Variants in NELL1 observed in about 807,000 individuals in gnomAD.
NELL1 encodes the protein neural EGFL like 1, also known as protein kinase C-binding protein NELL1.
In NELL1, 76 loss-of-function variants were observed where a neutral mutation model predicts 107.4. The observed-to-expected ratio is 0.71, with a 90% CI of 0.59 to 0.86. The LOEUF (loss-of-function observed/expected upper bound fraction) is 0.86, where lower values mean the gene tolerates loss of function less well. NELL1 is among the 40% of genes least tolerant of loss of function. NELL1 has a pLI of 0.00. For synonymous variants in NELL1, 353 were observed against 341.2 expected (o/e 1.03, Z -0.38); for missense variants, 1,024 against 1,005.5 (o/e 1.02, Z -0.25).
At chr11:21,564,115 G>A (rs10833570) in intron 17 of NELL1, among the ~76,000 whole-genome samples, 3 of 151,740 alleles carry the variant, frequency 2.0e-5, no homozygotes, top group South Asian at 2.1e-4. Flanking sequence ...GCAAATGATC[G>A]TAAGAGATTT....
In NELL1 at chr11:20,863,851, A is replaced by C. The variant is rs1367360493; in HGVS notation, c.506+16098A>C. ...CTGAGTGAACGAGACTCCGTCTGCA[A>C]TCCCGGCACCTCAGGAGGCGGAAGC... is the stretch of plus-strand genomic sequence containing the variant. On this transcript the variant is annotated intron_variant, in intron 4 of 19. Transcript: ENST00000357134. Among the ~76,000 whole-genome samples, 3 of 152,208 alleles carry C rather than the reference A, an allele frequency of 2.0e-5. No individual in the cohort carries two copies. In the East Asian group the frequency reaches 5.8e-4, roughly 29 times the overall value.
intron 15 of NELL1, among the ~76,000 whole-genome samples, chr11:21,500,629 A>G (rs1380341129): frequency 6.6e-6 from 1 of 152,118 alleles, no homozygotes; most frequent in Non-Finnish European, 1.5e-5. Context: ...TATACGTGAC[A>G]TGGCTTTTTA....
chr11:20,684,052 CA>C (rs1321744031), intron 2 of NELL1, among the ~76,000 whole-genome samples: 4 of 144,138 alleles, frequency 2.8e-5, no homozygotes, highest in African/African-American at 1.0e-4. Context: ...ACTACAATTA[CA>C]TGTATATATT....
At chr11:20,681,250 C>T (rs1000710754) in intron 2 of NELL1, among the ~76,000 whole-genome samples, 3 of 152,118 alleles carry the variant, frequency 2.0e-5, no homozygotes, top group Non-Finnish European at 4.4e-5. Flanking sequence ...TTTTCTCTCA[C>T]ATTTTGCCAT....
chr11:20,922,021 G>A (rs1850390271), intron 7 of NELL1, among the ~76,000 whole-genome samples: 1 of 151,934 alleles, frequency 6.6e-6, no homozygotes, highest in South Asian at 2.1e-4. Flanking sequence ...CTTCTAGCTG[G>A]TGCCAAGGTC....
chr11:21,362,857 G>A (rs906618577), intron 14 of NELL1, among the ~76,000 whole-genome samples: 1 of 151,878 alleles, frequency 6.6e-6, no homozygotes, highest in African/African-American at 2.4e-5. Flanking sequence ...GCTTGCTGCA[G>A]CCACAGTGGA....
At chr11:20,705,207 C>G (rs894587625) in intron 2 of NELL1, among the ~76,000 whole-genome samples, 3 of 152,194 alleles carry the variant, frequency 2.0e-5, no homozygotes, top group Non-Finnish European at 2.9e-5. Flanking sequence ...ATTGCCAAGT[C>G]AATCCTAAGC....
intron 15 of NELL1, among the ~76,000 whole-genome samples, chr11:21,454,021 G>A (rs1853656942): frequency 6.8e-6 from 1 of 147,416 alleles, no homozygotes; most frequent in Admixed American, 6.8e-5. Flanking sequence ...CTGGTGCGCT[G>A]CACCCACTAA....
intron 3 of NELL1, among the ~76,000 whole-genome samples, chr11:20,798,529 C>A (rs1301268526): frequency 1.3e-5 from 2 of 152,116 alleles, no homozygotes; most frequent in African/African-American, 4.8e-5. Context: ...TCTTTGACAT[C>A]CTTTGGAATT....
At chr11:21,309,372 TA>T (rs1037098746) in intron 14 of NELL1, among the ~76,000 whole-genome samples, 1 of 149,012 alleles carries the variant, frequency 6.7e-6, no homozygotes, top group African/African-American at 2.5e-5. Flanking sequence ...GAATGATTTT[TA>T]AAATGCTTGA....
At chr11:21,279,434 A>G (rs980697146) in intron 14 of NELL1, among the ~76,000 whole-genome samples, 1 of 152,146 alleles carries the variant, frequency 6.6e-6, no homozygotes, top group Non-Finnish European at 1.5e-5. Flanking sequence ...CAAATGAACA[A>G]CCTGATTAAA....
chr11:21,541,763 A>G, intron 16 of NELL1, among the ~76,000 whole-genome samples: 1 of 152,138 alleles, frequency 6.6e-6, no homozygotes, highest in East Asian at 1.9e-4. Context: ...GTGTGCATTA[A>G]GATAATACTT....
chr11:20,700,576 G>A (rs1423718711), intron 2 of NELL1, among the ~76,000 whole-genome samples: 2 of 152,020 alleles, frequency 1.3e-5, no homozygotes, highest in African/African-American at 4.8e-5. Context: ...TGTTACATGT[G>A]TATACATGTG....
At chr11:21,095,724 C>T (rs1854626280) in intron 12 of NELL1, among the ~76,000 whole-genome samples, 1 of 152,152 alleles carries the variant, frequency 6.6e-6, no homozygotes, top group Non-Finnish European at 1.5e-5. Flanking sequence ...GATTCTCCTG[C>T]CTCAGCCTCC....
chr11:21,361,259 A>ATTTTT (rs59239329), intron 14 of NELL1, among the ~76,000 whole-genome samples: 3 of 113,576 alleles, frequency 2.6e-5, no homozygotes, highest in Non-Finnish European at 3.5e-5. Flanking sequence ...TTGTGTGACA[A>ATTTTT]TTTTTTTTTT....
intron 5 of NELL1, among the ~76,000 whole-genome samples, chr11:20,899,255 C>T (rs1183918066): frequency 6.6e-6 from 1 of 151,982 alleles, no homozygotes; most frequent in Non-Finnish European, 1.5e-5. Context: ...AGGAAATCTC[C>T]ACAAATTACA....
At chr11:21,117,082 T>C (rs1180620912) in intron 13 of NELL1, among the ~76,000 whole-genome samples, 1 of 152,018 alleles carries the variant, frequency 6.6e-6, no homozygotes, top group Non-Finnish European at 1.5e-5. Flanking sequence ...TTGTTTCTGT[T>C]TGTTAAGACC....
intron 12 of NELL1, among the ~76,000 whole-genome samples, chr11:21,028,182 T>C (rs2134312755): frequency 6.6e-6 from 1 of 152,302 alleles, no homozygotes; most frequent in African/African-American, 2.4e-5. Flanking sequence ...GCACATAAGA[T>C]GTCCTTGTTT....
At chr11:20,902,721 A>G (rs1849904619) in intron 5 of NELL1, among the ~76,000 whole-genome samples, 1 of 152,070 alleles carries the variant, frequency 6.6e-6, no homozygotes, top group South Asian at 2.1e-4. Flanking sequence ...AAAAAACCTA[A>G]TTGTCCATCA....
Sources: gnomAD v4.1 joint callset for allele counts (sites outside exome capture counted in the v4.1 genomes callset) on GRCh38, gnomAD v4.1.1 for gene constraint, MANE v1.5 for transcripts, NCBI Gene and HGNC (gene_info 2026-07-23, HGNC 2026-07-21) for gene names.